Variants in NEBL observed in about 807,000 individuals in gnomAD.
NEBL encodes the protein LIM and SH3 protein 2.
NEBL carries 122 observed loss-of-function variants against 140.2 expected under a neutral mutation model. The ratio of observed to expected loss-of-function variants is 0.87; its 90% CI spans 0.75 to 1.01. The LOEUF (loss-of-function observed/expected upper bound fraction) is 1.01, where lower values mean the gene tolerates loss of function less well. Among genes scored for constraint, NEBL ranks in the 50% least tolerant of loss-of-function variants. NEBL has a pLI of 0.00. For synonymous variants in NEBL, 436 were observed against 398.9 expected, an observed-to-expected ratio of 1.09 and a Z score of -1.11; for missense variants, 1,365 against 1,231.3, an observed-to-expected ratio of 1.11 and a Z score of -1.62.
chr10:20,818,841 C>A (rs1838989651), intron 20 of NEBL: 1 of 990,256 alleles, frequency 1.0e-6, no homozygotes, highest in Non-Finnish European at 1.2e-6. Flanking sequence ...TGCCCTTCAA[C>A]AAGGAAATGT....
At chr10:21,214,044 A>T (rs1219849094) in intron 3 of NEBL, among the ~76,000 whole-genome samples, 2 of 152,106 alleles carry the variant, frequency 1.3e-5, no homozygotes, top group Non-Finnish European at 2.9e-5. Flanking sequence ...TTGAATGATG[A>T]TAATACAGAC....
intron 1 of NEBL, among the ~76,000 whole-genome samples, chr10:21,281,607 C>T (rs1842995217): frequency 6.6e-6 from 1 of 152,114 alleles, no homozygotes; most frequent in Non-Finnish European, 1.5e-5. Flanking sequence ...TCCCCACCAT[C>T]CACATCCTGA....
intron 3 of NEBL, among the ~76,000 whole-genome samples, chr10:21,199,341 T>C (rs1160789491): frequency 6.6e-6 from 1 of 152,162 alleles, no homozygotes; most frequent in African/African-American, 2.4e-5. Context: ...ATTGGAATAA[T>C]TAATTTTTTA....
chr10:21,200,053 G>A (rs1222981296), intron 3 of NEBL, among the ~76,000 whole-genome samples: 1 of 152,056 alleles, frequency 6.6e-6, no homozygotes, highest in Non-Finnish European at 1.5e-5. Flanking sequence ...GGCCATCCTA[G>A]CTCCAGAACA....
intron 19 of NEBL, among the ~76,000 whole-genome samples, chr10:20,820,295 T>C (rs1296475033): frequency 6.6e-6 from 1 of 152,182 alleles, no homozygotes; most frequent in Non-Finnish European, 1.5e-5. Flanking sequence ...TCTAACTCCA[T>C]TGTTTGTGGT....
chr10:20,991,492 G>A (rs1013447482), intron 3 of NEBL, among the ~76,000 whole-genome samples: 3 of 152,138 alleles, frequency 2.0e-5, no homozygotes, highest in African/African-American at 7.2e-5. Flanking sequence ...TTTTGGGACT[G>A]TTTTAAAGAA....
intron 2 of NEBL, among the ~76,000 whole-genome samples, chr10:21,036,410 C>T (rs1834019065): frequency 6.6e-6 from 1 of 152,038 alleles, no homozygotes; most frequent in Non-Finnish European, 1.5e-5. Flanking sequence ...GCCATAATTG[C>T]ACCTCTGCAC....
At chr10:21,114,884 C>A (rs1372468456) in intron 2 of NEBL, among the ~76,000 whole-genome samples, 1 of 151,624 alleles carries the variant, frequency 6.6e-6, no homozygotes, top group Non-Finnish European at 1.5e-5. Context: ...AGAGTTTAGA[C>A]CATTTACATT....
chr10:20,840,964 G>T (rs1466120941), intron 12 of NEBL, 115 bp from the exon 13 acceptor site: 1 of 699,920 alleles, frequency 1.4e-6, no homozygotes, highest in Admixed American at 2.1e-5. Flanking sequence ...AGGAAGGAAT[G>T]AATCACACAG....
chr10:20,831,032 T>C, intron 16 of NEBL, 164 bp downstream of exon 16: 1 of 659,824 alleles, frequency 1.5e-6, no homozygotes, highest in South Asian at 1.7e-5. Context: ...GTTGTCCTAT[T>C]AATTAGTACG....
chr10:20,823,968 T>C (rs1437251345), intron 18 of NEBL, among the ~76,000 whole-genome samples: 1 of 152,304 alleles, frequency 6.6e-6, no homozygotes, highest in East Asian at 1.9e-4. Flanking sequence ...ACCTTTATCC[T>C]GGCTTCTACT....
intron 3 of NEBL, among the ~76,000 whole-genome samples, chr10:20,962,437 C>G (rs951473496): frequency 6.6e-6 from 1 of 152,236 alleles, no homozygotes; most frequent in African/African-American, 2.4e-5. Flanking sequence ...GATTAAAAAG[C>G]TGCTCACACA....
intron 3 of NEBL, among the ~76,000 whole-genome samples, chr10:20,974,237 C>A (rs539524320): frequency 1.2e-4 from 18 of 151,468 alleles, no homozygotes; most frequent in Non-Finnish European, 2.4e-4. Flanking sequence ...CAAAGACCAT[C>A]GCTTAGTTTT....
At chr10:21,117,734 G>T (rs998424262) in intron 2 of NEBL, among the ~76,000 whole-genome samples, 1 of 152,056 alleles carries the variant, frequency 6.6e-6, no homozygotes, top group African/African-American at 2.4e-5. Context: ...TAGCTAAAAA[G>T]CTTCCACATC....
At chr10:21,131,728 C>T (rs572059347) in intron 2 of NEBL, among the ~76,000 whole-genome samples, 2 of 123,832 alleles carry the variant, frequency 1.6e-5, no homozygotes, top group African/African-American at 2.9e-5. Flanking sequence ...TTTTTCTCCC[C>T]GCTGAACTAG....
intron 3 of NEBL, among the ~76,000 whole-genome samples, chr10:21,010,930 A>C (rs1320310255): frequency 6.6e-6 from 1 of 152,214 alleles, no homozygotes; most frequent in East Asian, 1.9e-4. Context: ...TGACCTCCCA[A>C]TTATGACCTT....
chr10:20,979,803 C>G (rs540761600), intron 3 of NEBL, among the ~76,000 whole-genome samples: 7 of 152,190 alleles, frequency 4.6e-5, no homozygotes, highest in African/African-American at 1.7e-4. Context: ...AACTCTTGTG[C>G]TCAAGCAATC....
intron 12 of NEBL, among the ~76,000 whole-genome samples, chr10:20,842,773 C>T (rs1328475683): frequency 1.3e-5 from 2 of 151,950 alleles, no homozygotes; most frequent in Non-Finnish European, 2.9e-5. Flanking sequence ...TTGAAGTGCA[C>T]TATATACTAT....
Position 21,222,225 on chromosome 10 carries a change from C to T in NEBL, n.348+25696G>A, listed in dbSNP as rs1451651127. On this transcript the variant is annotated intron_variant and non_coding_transcript_variant, in intron 3 of 8. Transcript: ENST00000675702. ...CTTTGGGAGGCCGAGGTGGGAGAAT[C>T]GCTTAAGCCCAGGAGTTGAGAGGCC... 4.0e-5 allele frequency among the ~76,000 whole-genome samples: 6 copies of T among 151,298 alleles called. No homozygotes were observed. The East Asian group carries it at 9.7e-4, about 24-fold the overall frequency.
Sources: allele counts gnomAD v4.1 joint callset (sites outside exome capture counted in the v4.1 genomes callset), GRCh38; gene constraint gnomAD v4.1.1; transcripts MANE v1.5; gene names NCBI Gene and HGNC (gene_info 2026-07-23, HGNC 2026-07-21).